ISG20L2: variants seen among roughly 807,000 people sequenced by gnomAD.
ISG20L2 encodes interferon stimulated exonuclease gene 20 like 2.
A neutral mutation model predicts 27.8 loss-of-function variants in ISG20L2; 14 were observed. The ratio of observed to expected loss-of-function variants is 0.50; its 90% confidence interval spans 0.33 to 0.79. ISG20L2 has a LOEUF of 0.79. ISG20L2 is among the 30% of genes least tolerant of loss of function. ISG20L2 has a pLI of 0.02. For synonymous variants in ISG20L2, 157 were observed against 165.7 expected, an observed-to-expected ratio of 0.95 and a Z score of 0.40; for missense variants, 393 against 435.1, an observed-to-expected ratio of 0.90 and a Z score of 0.86.
In ISG20L2 at chr1:156,723,707, G is replaced by A. The variant is rs1448174254; in HGVS notation, c.949-245C>T. 3.0e-6 allele frequency: 3 copies of A among 985,246 alleles called. No homozygotes were observed. The African/African-American group carries it at 5.2e-5, about 17-fold the overall frequency. 61.0% of individuals were successfully genotyped at this position (985,246 alleles called of 1,614,324 possible). A position where few individuals can be genotyped will look rare whatever the true frequency, so the allele number is the denominator to read the frequency against. On this transcript the variant is annotated intron_variant, in intron 3 of 3. Transcript: ENST00000368219. Reference sequence around the variant, plus strand: ...TGGCAGTATGTATAAGCCATATTAGGTTCTGTAGAGATAGAACATACCAGG... The same window carrying A: ...TGGCAGTATGTATAAGCCATATTAGATTCTGTAGAGATAGAACATACCAGG...
At position 156,726,896 on chromosome 1, in the gene ISG20L2, T is replaced by C; in HGVS notation, c.747+10A>G. The C allele has an allele frequency of 6.2e-7, 1 of 1,606,318 alleles. No individual in the cohort carries two copies. The highest frequency in any genetic ancestry group is 8.5e-7 in the Non-Finnish European group (1 of 1,174,492). On this transcript the variant is annotated intron_variant, in intron 2 of 3. Transcript: ENST00000368219. ...ACCTCCCTGCCACCATCAAGCCCCA[T>C]GCTTCTTACCTGGCCTCGAGCAATC... is the stretch of plus-strand genomic sequence containing the variant.
Position 156,724,358 on chromosome 1 carries a change from G to C in ISG20L2, c.748-10C>G. ...TGAGTATCTTCAAGATCTGGAAGAA[G>C]TGTGGGAAGAGAGTGGTGAGAAGGA... On this transcript the variant is annotated splice_polypyrimidine_tract_variant and intron_variant, in intron 2 of 3. Transcript: ENST00000368219. 1 of 1,601,232 alleles carries C rather than the reference G, an allele frequency of 6.2e-7. No homozygotes were observed. Among genetic ancestry groups the C allele is most frequent in the Non-Finnish European group, 8.5e-7 (1 of 1,170,234 alleles).
Position 156,723,227 on chromosome 1 carries a change from T to G in ISG20L2, c.*122A>C. ...ATGGGTATTAAGTCTGGGGTAGAGC[T>G]TCTCTCTCCCCAAATCTAGCTTCCA... On this transcript the variant is annotated 3_prime_UTR_variant, in exon 4 of 4. Transcript: ENST00000368219. 8.2e-7 allele frequency: 1 copy of G among 1,222,194 alleles called. No individual in the cohort carries two copies. Among genetic ancestry groups the G allele is most frequent in the African/African-American group, 1.5e-5 (1 of 66,962 alleles). The allele number at this position is 1,222,194 out of a possible 1,614,324, so 75.7% of individuals were successfully genotyped here. A position where few individuals can be genotyped will look rare whatever the true frequency, so the allele number is the denominator to read the frequency against.
chr1:156,728,204 G>T (rs1353054769), intron 1 of ISG20L2: 1 of 985,882 alleles, frequency 1.0e-6, no homozygotes, highest in African/African-American at 1.7e-5. Flanking sequence ...ACCACCAATA[G>T]AGACACAAAT....
At position 156,727,480 on chromosome 1, in the gene ISG20L2, G is replaced by A. The variant is rs1345566197; in HGVS notation, c.173C>T (p.Pro58Leu). 6.2e-7 allele frequency: 1 copy of A among 1,613,986 alleles called. No individual in the cohort carries two copies. The highest frequency in any genetic ancestry group is 2.2e-5 in the East Asian group (1 of 44,888). The change falls in exon 2 of 4, where the codon CCT becomes CTT. Residue 58 changes from proline to leucine, a missense_variant. Around this residue, in one of 3 missense-constraint regions of ISG20L2, gnomAD observed 183 missense variants for 168.2 expected, o/e 1.09. Coordinates refer to ENST00000368219, the MANE Select transcript of ISG20L2 (RefSeq NM_001370150.2). ...PSKAPKLHSE[P>L]SKKGETPTVD... ...CGTAGGAGTTTCCCCTTTCTTTGAA[G>A]GTTCAGAGTGCAACTTAGGCGCCTT...
Position 156,728,550 on chromosome 1 carries a change from C to T in ISG20L2, c.-253G>A, listed in dbSNP as rs1648929947. Reference sequence around the variant, plus strand: ...TCGGCGCGCGCACACCCGCACCGCCCCGACCCCAGGTAGTGAGGCCAGTGA... The same window carrying T: ...TCGGCGCGCGCACACCCGCACCGCCTCGACCCCAGGTAGTGAGGCCAGTGA... On this transcript the variant is annotated 5_prime_UTR_variant, in exon 1 of 4. Coordinates refer to ENST00000368219, the MANE Select transcript of ISG20L2 (RefSeq NM_001370150.2). The T allele has an allele frequency of 3.0e-6, 3 of 985,548 alleles. No homozygotes were observed. The African/African-American group carries it at 5.2e-5, about 17-fold the overall frequency. The allele number at this position is 985,548 out of a possible 1,614,324, so 61.1% of individuals were successfully genotyped here.
chr1:156,726,508 A>G, intron 2 of ISG20L2: 1 of 811,128 alleles, frequency 1.2e-6, no homozygotes, highest in Non-Finnish European at 1.5e-6. Flanking sequence ...AGCTCACTGC[A>G]GCCTCGACCT....
chr1:156,724,608 A>C, intron 2 of ISG20L2: 1 of 1,233,774 alleles, frequency 8.1e-7, no homozygotes, highest in Admixed American at 3.9e-5. Context: ...CCACCCCATG[A>C]CATTAATTTG....
chr1:156,725,993 A>G (rs766875896), intron 2 of ISG20L2: 52 of 985,558 alleles, frequency 5.3e-5, no homozygotes, highest in Middle Eastern at 5.2e-4. Context: ...TGAGACCAGC[A>G]GGTCTCTTGC....
chr1:156,728,077 A>T (rs1648889524), intron 1 of ISG20L2: 7 of 1,000,522 alleles, frequency 7.0e-6, no homozygotes, highest in Non-Finnish European at 7.2e-6. Flanking sequence ...TGAGTCTAAG[A>T]GGCTAGAACA....
chr1:156,728,355 T>C (rs1648911217), intron 1 of ISG20L2, 60 bp downstream of exon 1: 1 of 985,678 alleles, frequency 1.0e-6, no homozygotes. Context: ...GCAGCCCACC[T>C]GGATAAGCAT....
At chr1:156,724,431 A>G (rs1032276850) in intron 2 of ISG20L2, 83 bp from the exon 3 acceptor site, 11 of 1,419,208 alleles carry the variant, frequency 7.8e-6, no homozygotes, top group South Asian at 4.1e-5. Flanking sequence ...ATGACCATCA[A>G]TCCCTTCTGG....
At position 156,724,305 on chromosome 1, in the gene ISG20L2, A is replaced by C; in HGVS notation, c.791T>G (p.Ile264Ser). 6.2e-7 allele frequency: 1 copy of C among 1,613,636 alleles called. No individual in the cohort carries two copies. Among genetic ancestry groups the C allele is most frequent in the East Asian group, 2.2e-5 (1 of 44,862 alleles). ...CTGAAGGGCTTTGAAGTCGTTGTGG[A>C]TGGCATGCCCCACCACTATCTTCCC... ...LTGKIVVGHA[I>S]HNDFKALQYF... The change falls in exon 3 of 4, where the codon ATC becomes AGC. Residue 264 changes from isoleucine (I) to serine (S), a missense_variant. Coordinates refer to ENST00000368219, the MANE Select transcript of ISG20L2 (RefSeq NM_001370150.2).
chr1:156,728,178 G>C (rs552860023), intron 1 of ISG20L2: 1 of 986,210 alleles, frequency 1.0e-6, no homozygotes, highest in African/African-American at 1.7e-5. Flanking sequence ...GGGCTACCCA[G>C]GCATCCGCAG....
chr1:156,723,160 A>G lies in ISG20L2; in HGVS notation c.*189T>C, dbSNP rs1040251884. 7 of 675,212 alleles carry G rather than the reference A, an allele frequency of 1.0e-5. No homozygotes were observed. The highest frequency in any genetic ancestry group is 2.9e-5 in the Admixed American group (1 of 34,690). 41.8% of individuals were successfully genotyped at this position (675,212 alleles called of 1,614,324 possible). A position where few individuals can be genotyped will look rare whatever the true frequency, so the allele number is the denominator to read the frequency against. ...TGAAGGCTTTCCCCTTCCATGGGAC[A>G]CTTAACCAGACACAGGACACAACAC... On this transcript the variant is annotated 3_prime_UTR_variant, in exon 4 of 4. Coordinates refer to ENST00000368219, the MANE Select transcript of ISG20L2 (RefSeq NM_001370150.2).
In ISG20L2 at chr1:156,728,639, C is replaced by T. The variant is rs1304317312; in HGVS notation, c.-342G>A. On this transcript the variant is annotated 5_prime_UTR_variant, in exon 1 of 4. Transcript: ENST00000368219. ...GGGGCGGCGTGGGTGGGGGCGGGGG[C>T]GGGATGCGCTCCCCGGCCCCTCTAG... is the stretch of plus-strand genomic sequence containing the variant. The T allele has an allele frequency of 2.1e-6, 2 of 971,924 alleles. No individual in the cohort carries two copies. Among genetic ancestry groups the T allele is most frequent in the Non-Finnish European group, 2.4e-6 (2 of 817,562 alleles). 60.2% of individuals were successfully genotyped at this position (971,924 alleles called of 1,614,324 possible).
At chr1:156,726,162 A>G in intron 2 of ISG20L2, 1 of 985,416 alleles carries the variant, frequency 1.0e-6, no homozygotes, top group Non-Finnish European at 1.2e-6. Context: ...CAGTTGGACA[A>G]TATATACCCC....
At position 156,724,718 on chromosome 1, in the gene ISG20L2, C is replaced by A. The variant is rs185988201; in HGVS notation, c.748-370G>T. On this transcript the variant is annotated intron_variant, in intron 2 of 3. Coordinates refer to ENST00000368219, the MANE Select transcript of ISG20L2 (RefSeq NM_001370150.2). The stretch of plus-strand genomic sequence containing the variant: ...CTTTAACTATTACCATTATGTTGGC[C>A]TTAGACACATGGCTGGGACCCGGGC... 25 of 1,003,856 alleles carry A rather than the reference C, an allele frequency of 2.5e-5. No homozygotes were observed. The African/African-American group carries it at 3.8e-4, about 15-fold the overall frequency. The allele number at this position is 1,003,856 out of a possible 1,614,324, so 62.2% of individuals were successfully genotyped here. A position where few individuals can be genotyped will look rare whatever the true frequency, so the allele number is the denominator to read the frequency against.
At position 156,722,807 on chromosome 1, in the gene ISG20L2, AT is replaced by A. The variant is rs1401776442; in HGVS notation, c.*541del. On this transcript the variant is annotated 3_prime_UTR_variant, in exon 4 of 4. Transcript: ENST00000368219. ...TTTTAGTAGAGAACGGGAATTCGCCATGTTGGCCAGGCTGGTCTTGAACTCC... is the reference window on the plus strand; with the variant it reads ...TTTTAGTAGAGAACGGGAATTCGCCAGTTGGCCAGGCTGGTCTTGAACTCC... 1.3e-5 allele frequency: 2 copies of A among 149,656 alleles called. No individual in the cohort carries two copies. The highest frequency in any genetic ancestry group is 3.0e-5 in the Non-Finnish European group (2 of 67,792). 9.3% of individuals were successfully genotyped at this position (149,656 alleles called of 1,614,324 possible).
Sources: gnomAD v4.1 joint callset for allele counts on GRCh38, gnomAD v4.1.1 for gene constraint, gnomAD v4.1.1 regional missense constraint, MANE v1.5 for transcripts, NCBI Gene and HGNC (gene_info 2026-07-23, HGNC 2026-07-21) for gene names.